The following FUZ variants were observed in gnomAD, a reference collection of about 807,000 sequenced individuals.
The protein encoded by FUZ is fuzzy planar cell polarity protein.
FUZ carries 31 observed loss-of-function variants against 43.1 expected under a neutral mutation model. That is an observed-to-expected ratio of 0.72 (90% CI 0.54 to 0.97). The LOEUF (loss-of-function observed/expected upper bound fraction) is 0.97, where lower values mean the gene tolerates loss of function less well. Ranked by LOEUF, FUZ falls within the 50% of genes least tolerant of loss-of-function variation. The probability of loss-of-function intolerance (pLI) is 0.00; values close to 1 mark genes in which losing one functional copy is unlikely to be tolerated. For synonymous variants in FUZ, 274 were observed against 250.0 expected (o/e 1.10, Z -0.91); for missense variants, 539 against 543.8 (o/e 0.99, Z 0.09).
chr19:49,811,509 C>G (rs759778616), intron 4 of FUZ, 42 bp from the exon 5 acceptor site: 1 of 1,596,460 alleles, frequency 6.3e-7, no homozygotes, highest in Non-Finnish European at 8.6e-7. Context: ...TCAAGTGGGC[C>G]CAGGGTCAGA....
chr19:49,812,821 A>G (rs2073855495), intron 1 of FUZ, 85 bp from the exon 2 acceptor site: 1 of 1,558,710 alleles, frequency 6.4e-7, no homozygotes, highest in African/African-American at 1.4e-5. Flanking sequence ...TCCCAGCCCC[A>G]TCCTCTTTCC....
rs555228691 is a variant in FUZ, at chr19:49,808,365, G to A, written c.1033+49C>T. ...CCTACTCCCATTTTGTGCGACCTGG[G>A]ACTCAGTGTCCCCGCCTGCGCAGTG... On this transcript the variant is annotated intron_variant, in intron 10 of 10. Transcript: ENST00000313777. The A allele has an allele frequency of 5.1e-6, 8 of 1,573,828 alleles. No individual in the cohort carries two copies. The South Asian group carries it at 8.1e-5, about 16-fold the overall frequency.
At position 49,809,902 on chromosome 19, in the gene FUZ, C is replaced by A; in HGVS notation, c.493-327G>T. ...AGGCACCATTAGCAACGTAGAGAAGCCAAGTCACCTGCTGAGAGTCACATG... is the reference window on the plus strand; with the variant it reads ...AGGCACCATTAGCAACGTAGAGAAGACAAGTCACCTGCTGAGAGTCACATG... On this transcript the variant is annotated intron_variant, in intron 5 of 10. Coordinates refer to ENST00000313777, the MANE Select transcript of FUZ (RefSeq NM_025129.5). This position sits in a 1 kb window ranked among gnomAD's most constrained non-coding sequence, Gnocchi z 5.1. 1 of 442,496 alleles carries A rather than the reference C, an allele frequency of 2.3e-6. No individual in the cohort carries two copies. The highest frequency in any genetic ancestry group is 4.7e-5 in the East Asian group (1 of 21,182). 27.4% of individuals were successfully genotyped at this position (442,496 alleles called of 1,614,324 possible).
chr19:49,810,110 G>A (rs1304426452), intron 5 of FUZ, among the ~76,000 whole-genome samples: 2 of 152,196 alleles, frequency 1.3e-5, no homozygotes, highest in African/African-American at 2.4e-5. Flanking sequence ...GGTGCCAGGT[G>A]CCACAGGCCT....
At chr19:49,812,550 G>A (rs749171661) in intron 2 of FUZ, 65 bp downstream of exon 2, 4 of 1,608,516 alleles carry the variant, frequency 2.5e-6, no homozygotes, top group African/African-American at 1.3e-5. Context: ...GAAGGCCTCC[G>A]GGGTCATCTT....
In FUZ at chr19:49,809,412, T is replaced by TCG. The variant is rs2073637784; in HGVS notation, c.654_655dup (p.Asp219AlafsTer19). On this transcript the variant is annotated frameshift_variant, in exon 6 of 11. Coordinates refer to ENST00000313777, the MANE Select transcript of FUZ (RefSeq NM_025129.5). LOFTEE classifies it high-confidence loss of function. The surrounding 1 kb of genome is among the most constrained non-coding windows in gnomAD (Gnocchi z 5.1). ...CCCGTGCGGCAGGTACACCGGGTAGTCGCGAGCGGTCTGCGGCGGCAGGGA... is the reference window on the plus strand; with the variant it reads ...CCCGTGCGGCAGGTACACCGGGTAGTCGCGCGAGCGGTCTGCGGCGGCAGGGA... 3.9e-6 allele frequency: 6 copies of TCG among 1,543,320 alleles called. No homozygotes were observed. The highest frequency in any genetic ancestry group is 5.2e-6 in the Non-Finnish European group (6 of 1,146,822).
At chr19:49,812,178 T>C in intron 3 of FUZ, 73 bp downstream of exon 3, 1 of 1,039,842 alleles carries the variant, frequency 9.6e-7, no homozygotes, top group Non-Finnish European at 1.5e-6. Context: ...TCTGCACTCC[T>C]AGGTCTGAGG....
chr19:49,811,552 G>A, intron 4 of FUZ, 79 bp downstream of exon 4: 3 of 1,581,502 alleles, frequency 1.9e-6, no homozygotes, highest in Non-Finnish European at 2.6e-6. Context: ...GGCTGCCCCA[G>A]GGGCTGCTGG....
rs1345799250 is a variant in FUZ at position 49,809,276 on chromosome 19, C to T, written c.691-18G>A. 7 of 1,550,452 alleles carry T rather than the reference C, an allele frequency of 4.5e-6. No individual in the cohort carries two copies. In the East Asian group the frequency reaches 1.7e-4, roughly 38 times the overall value. On this transcript the variant is annotated intron_variant, in intron 6 of 10. Coordinates refer to ENST00000313777, the MANE Select transcript of FUZ (RefSeq NM_025129.5). This position sits in a 1 kb window ranked among gnomAD's most constrained non-coding sequence, Gnocchi z 5.1. ...TGTGGGACCTGAAGCAGGGCACAGG[C>T]TGGGGCTCATCGCGGCCCGGCCCCT...
At position 49,813,117 on chromosome 19, in the gene FUZ, C is replaced by T; in HGVS notation, c.-11G>A. On this transcript the variant is annotated 5_prime_UTR_variant, in exon 1 of 11. Coordinates refer to ENST00000313777, the MANE Select transcript of FUZ (RefSeq NM_025129.5). ...CCCCTCCTCCCCCATTTAGGACTCC[C>T]ACCGCGGTCCCTCACGTGGGGACTG... is the stretch of plus-strand genomic sequence containing the variant. 1.3e-6 allele frequency: 2 copies of T among 1,548,380 alleles called. No homozygotes were observed. The highest frequency in any genetic ancestry group is 1.7e-6 in the Non-Finnish European group (2 of 1,144,398).
At chr19:49,808,902 G>C in intron 7 of FUZ, 79 bp from the exon 8 acceptor site, 1 of 1,166,154 alleles carries the variant, frequency 8.6e-7, no homozygotes, top group Non-Finnish European at 1.2e-6. Flanking sequence ...TACAAGGATA[G>C]GGGCGTGGTC....
rs559065709 is a variant in FUZ, at chr19:49,808,886, G to C, written c.787-63C>G. 1.6e-5 allele frequency: 21 copies of C among 1,307,506 alleles called. No homozygotes were observed. In the African/African-American group the frequency reaches 2.9e-4, roughly 18 times the overall value. 81.0% of individuals were successfully genotyped at this position (1,307,506 alleles called of 1,614,324 possible). A position where few individuals can be genotyped will look rare whatever the true frequency, so the allele number is the denominator to read the frequency against. On this transcript the variant is annotated intron_variant, in intron 7 of 10. Coordinates refer to ENST00000313777, the MANE Select transcript of FUZ (RefSeq NM_025129.5). Reference sequence around the variant, plus strand: ...AGGCGGGGCCGGCGGGGGAGGTCGGGGGGTGTACAAGGATAGGGGCGTGGT... The same window carrying C: ...AGGCGGGGCCGGCGGGGGAGGTCGGCGGGTGTACAAGGATAGGGGCGTGGT...
chr19:49,809,393 C>G lies in FUZ; in HGVS notation c.675G>C (p.Pro225=). ...ACCCACTCACCGTGGGGCTCCCGTG[C>G]GGCAGGTACACCGGGTAGTCGCGAG... is the stretch of plus-strand genomic sequence containing the variant. ...QTARDYPVYL[P]HGSPTVPHRL... is the part of the protein sequence containing the mutation. The change falls in exon 6 of 11, where the codon CCG becomes CCC. Residue 225 remains proline, a synonymous_variant. Transcript: ENST00000313777. The surrounding 1 kb of genome is among the most constrained non-coding windows in gnomAD (Gnocchi z 5.1). The G allele has an allele frequency of 1.3e-6, 2 of 1,544,164 alleles. No individual in the cohort carries two copies. The highest frequency in any genetic ancestry group is 1.7e-6 in the Non-Finnish European group (2 of 1,146,780).
rs1018389312 is a variant in FUZ, at chr19:49,809,277, T to C, written c.691-19A>G. On this transcript the variant is annotated intron_variant, in intron 6 of 10. Transcript: ENST00000313777. The surrounding 1 kb of genome is among the most constrained non-coding windows in gnomAD (Gnocchi z 5.1). The stretch of plus-strand genomic sequence containing the variant: ...GTGGGACCTGAAGCAGGGCACAGGC[T>C]GGGGCTCATCGCGGCCCGGCCCCTT... 1.3e-6 allele frequency: 2 copies of C among 1,550,132 alleles called. No individual in the cohort carries two copies. Among genetic ancestry groups the C allele is most frequent in the African/African-American group, 2.7e-5 (2 of 73,006 alleles).
intron 4 of FUZ, 25 bp downstream of exon 4, chr19:49,811,606 C>T (rs1175580851): frequency 6.2e-7 from 1 of 1,612,126 alleles, no homozygotes; most frequent in Non-Finnish European, 8.5e-7. Context: ...TCCTAACTTC[C>T]CACCCTCATG....
intron 9 of FUZ, 21 bp downstream of exon 9, chr19:49,808,553 C>G: frequency 6.3e-7 from 1 of 1,599,290 alleles, no homozygotes; most frequent in Non-Finnish European, 8.5e-7. Context: ...TACCCCTGCC[C>G]CTGCCCCTGT....
chr19:49,811,725 G>T, intron 3 of FUZ, 26 bp from the exon 4 acceptor site: 1 of 1,586,292 alleles, frequency 6.3e-7, no homozygotes, highest in Non-Finnish European at 8.7e-7. Flanking sequence ...AGGAGAGGAT[G>T]GGCGAGGGGC....
At position 49,809,286 on chromosome 19, in the gene FUZ, T is replaced by C; in HGVS notation, c.691-28A>G. On this transcript the variant is annotated intron_variant, in intron 6 of 10. Transcript: ENST00000313777. This position sits in a 1 kb window ranked among gnomAD's most constrained non-coding sequence, Gnocchi z 5.1. ...GAAGCAGGGCACAGGCTGGGGCTCA[T>C]CGCGGCCCGGCCCCTTTCCATCGCA... 1 of 1,549,710 alleles carries C rather than the reference T, an allele frequency of 6.5e-7. No homozygotes were observed. The highest frequency in any genetic ancestry group is 8.7e-7 in the Non-Finnish European group (1 of 1,146,530).
At position 49,806,905 on chromosome 19, in the gene FUZ, TTTTA is replaced by T; in HGVS notation, c.*242_*245del. On this transcript the variant is annotated 3_prime_UTR_variant, in exon 11 of 11. Transcript: ENST00000313777. ...GGGACTTTCCTCCGGCCTTTTGTAT[TTTTA>T]TTTTTGTTCATCTGCTGCTGTTTAC... 6.5e-7 allele frequency: 1 copy of T among 1,538,566 alleles called. No individual in the cohort carries two copies.
Sources: allele counts gnomAD v4.1 joint callset (sites outside exome capture counted in the v4.1 genomes callset), GRCh38; gene constraint gnomAD v4.1.1; non-coding constraint Gnocchi (gnomAD v3.1); transcripts MANE v1.5; gene names NCBI Gene and HGNC (gene_info 2026-07-23, HGNC 2026-07-21).